SDK1: variants seen among roughly 807,000 people sequenced by gnomAD.
SDK1 encodes the protein protein sidekick-1.
Under a neutral mutation model 245.5 loss-of-function variants are expected in SDK1, and 157 were observed. The observed-to-expected ratio is 0.64, with a 90% CI of 0.56 to 0.73. The LOEUF is 0.73. Among genes scored for constraint, SDK1 ranks in the 30% least tolerant of loss-of-function variants. The pLI is 0.00. For synonymous variants in SDK1, 1,647 were observed against 1,278.5 expected, an observed-to-expected ratio of 1.29 and a Z score of -6.15; for missense variants, 3,583 against 3,002.3, an observed-to-expected ratio of 1.19 and a Z score of -4.52.
chr7:3,359,118 C>T (rs1344890158), intron 1 of SDK1, among the ~76,000 whole-genome samples: 3 of 152,144 alleles, frequency 2.0e-5, no homozygotes, highest in Non-Finnish European at 4.4e-5. Context: ...CATGTGATCA[C>T]GCAGGTCAAT....
chr7:3,600,151 T>C (rs10275225), intron 1 of SDK1, among the ~76,000 whole-genome samples: 70 of 152,158 alleles, frequency 4.6e-4, no homozygotes, highest in African/African-American at 1.6e-3. Context: ...TTCTAAAGTT[T>C]ATACCTAAGT....
intron 42 of SDK1, among the ~76,000 whole-genome samples, chr7:4,239,819 T>C (rs1434468649): frequency 4.6e-5 from 7 of 152,166 alleles, no homozygotes; most frequent in Non-Finnish European, 1.0e-4. Flanking sequence ...CTGGGTCTTC[T>C]CTTTTTGGAA....
rs543238812 is a variant in SDK1 at position 4,124,323 on chromosome 7, A to G, written c.3824-3058A>G. On this transcript the variant is annotated intron_variant, in intron 25 of 44. Transcript: ENST00000404826. Reference sequence around the variant, plus strand: ...AGCTGGAGGTGTTGGCAGGGCCATGATCCCCCTGAAAGCTTGGGAAGGATC... The same window carrying G: ...AGCTGGAGGTGTTGGCAGGGCCATGGTCCCCCTGAAAGCTTGGGAAGGATC... Among the ~76,000 whole-genome samples, 3 of 152,270 alleles carry G rather than the reference A, an allele frequency of 2.0e-5. 1 individual carries two copies. Among genetic ancestry groups the G allele is most frequent in the African/African-American group, 7.2e-5 (3 of 41,546 alleles).
chr7:4,031,106 G>T (rs752816997), intron 17 of SDK1, among the ~76,000 whole-genome samples: 3 of 151,950 alleles, frequency 2.0e-5, no homozygotes, highest in Non-Finnish European at 4.4e-5. Context: ...CATGCATGTG[G>T]ACACGTATAT....
At chr7:3,631,298 AG>A (rs1562616548) in intron 2 of SDK1, among the ~76,000 whole-genome samples, 1 of 152,128 alleles carries the variant, frequency 6.6e-6, no homozygotes, top group African/African-American at 2.4e-5. Context: ...CCAAGAAGAA[AG>A]TCTATTATAT....
intron 1 of SDK1, among the ~76,000 whole-genome samples, chr7:3,432,844 G>C (rs1351094828): frequency 6.6e-6 from 1 of 152,140 alleles, no homozygotes; most frequent in Non-Finnish European, 1.5e-5. Context: ...ATCTGAAAGA[G>C]ATTTCTCCTA....
At chr7:4,167,733 T>A (rs1781581844) in intron 32 of SDK1, among the ~76,000 whole-genome samples, 1 of 152,142 alleles carries the variant, frequency 6.6e-6, no homozygotes, top group Non-Finnish European at 1.5e-5. Context: ...ATATGCAGAG[T>A]CAGAGACATG....
At chr7:4,113,603 C>A (rs1330063325) in intron 24 of SDK1, among the ~76,000 whole-genome samples, 164 bp downstream of exon 24, 1 of 152,172 alleles carries the variant, frequency 6.6e-6, no homozygotes, top group Non-Finnish European at 1.5e-5. Flanking sequence ...AGTGTTGGAT[C>A]TCAGGCCAGC....
chr7:4,089,374 G>A (rs948678982), intron 22 of SDK1, among the ~76,000 whole-genome samples: 2 of 152,232 alleles, frequency 1.3e-5, no homozygotes, highest in Admixed American at 1.3e-4. Flanking sequence ...TGTGAGGCTT[G>A]GAAATGACAG....
At chr7:3,561,825 T>C (rs1779761403) in intron 1 of SDK1, among the ~76,000 whole-genome samples, 1 of 152,214 alleles carries the variant, frequency 6.6e-6, no homozygotes, top group Admixed American at 6.5e-5. Context: ...TTAAACAAAA[T>C]TCATTATAAG....
intron 5 of SDK1, among the ~76,000 whole-genome samples, chr7:3,859,660 A>G (rs902261649): frequency 6.6e-6 from 1 of 152,158 alleles, no homozygotes; most frequent in Non-Finnish European, 1.5e-5. Flanking sequence ...CTTTTGTCTT[A>G]TAAGGCCAAC....
At chr7:3,380,350 C>T (rs997025937) in intron 1 of SDK1, among the ~76,000 whole-genome samples, 4 of 152,138 alleles carry the variant, frequency 2.6e-5, no homozygotes, top group South Asian at 2.1e-4. Flanking sequence ...ATTGTTTTAA[C>T]GTTGTTAAAT....
intron 1 of SDK1, among the ~76,000 whole-genome samples, chr7:3,569,235 CAG>C (rs1446958163): frequency 3.9e-5 from 6 of 151,914 alleles, no homozygotes; most frequent in African/African-American, 1.4e-4. Flanking sequence ...CAAGGAAAAA[CAG>C]AAGTCGGAAT....
chr7:3,898,165 A>C (rs1234179860), intron 5 of SDK1, among the ~76,000 whole-genome samples: 1 of 152,222 alleles, frequency 6.6e-6, no homozygotes, highest in African/African-American at 2.4e-5. Flanking sequence ...ACAGAAGTGC[A>C]GATACGGTGC....
chr7:3,462,940 C>G (rs1195673854), intron 1 of SDK1, among the ~76,000 whole-genome samples: 1 of 152,196 alleles, frequency 6.6e-6, no homozygotes, highest in Non-Finnish European at 1.5e-5. Flanking sequence ...AGGATAAAGA[C>G]CACAGACCCT....
intron 5 of SDK1, among the ~76,000 whole-genome samples, chr7:3,841,627 C>T (rs6952420): frequency 2.0e-3 from 302 of 151,532 alleles, no homozygotes; most frequent in Admixed American, 5.7e-3. Flanking sequence ...AGTGCAGTGG[C>T]GCAATCTCGG....
chr7:3,480,955 T>G (rs1436319787), intron 1 of SDK1, among the ~76,000 whole-genome samples: 1 of 152,228 alleles, frequency 6.6e-6, no homozygotes, highest in African/African-American at 2.4e-5. Flanking sequence ...TCCTTGTGTT[T>G]TAAGTGTGTC....
chr7:3,372,853 C>G (rs1348774977), intron 1 of SDK1, among the ~76,000 whole-genome samples: 1 of 152,138 alleles, frequency 6.6e-6, no homozygotes, highest in Admixed American at 6.5e-5. Flanking sequence ...GCCAGAGTTA[C>G]CTAAATTCTC....
chr7:3,659,587 G>A (rs1474713581), intron 4 of SDK1, among the ~76,000 whole-genome samples: 1 of 152,170 alleles, frequency 6.6e-6, no homozygotes, highest in African/African-American at 2.4e-5. Flanking sequence ...GACGTCGGCA[G>A]GGACTAGATT....
Sources: gnomAD v4.1 joint callset for allele counts (sites outside exome capture counted in the v4.1 genomes callset) on GRCh38, gnomAD v4.1.1 for gene constraint, MANE v1.5 for transcripts, NCBI Gene and HGNC (gene_info 2026-07-23, HGNC 2026-07-21) for gene names.